Variants in PRR5 observed in about 807,000 individuals in gnomAD.
The protein encoded by PRR5 is proline-rich protein 5.
In PRR5, 25 loss-of-function variants were observed where a neutral mutation model predicts 30.6. The ratio of observed to expected loss-of-function variants is 0.82; its 90% CI spans 0.60 to 1.14. The LOEUF (loss-of-function observed/expected upper bound fraction) is 1.14. PRR5 is among the 50% of genes most tolerant of loss of function. The pLI is 0.00. For missense variants in PRR5, 600 were observed against 547.1 expected (o/e 1.10, Z -0.96); for synonymous variants, 286 against 247.1 (o/e 1.16, Z -1.48).
chr22:44,719,566 G>A (rs1031088927), intron 2 of PRR5, among the ~76,000 whole-genome samples: 26 of 152,152 alleles, frequency 1.7e-4, no homozygotes, highest in African/African-American at 4.6e-4. Context: ...CGTGAGGTCC[G>A]TTTCCCCTGT....
intron 1 of PRR5, among the ~76,000 whole-genome samples, chr22:44,689,671 C>T (rs911975364): frequency 2.0e-5 from 3 of 152,162 alleles, no homozygotes; most frequent in Admixed American, 6.6e-5. Flanking sequence ...TGTTTTGAGA[C>T]GGAGTCTCGC....
At position 44,702,304 on chromosome 22, in the gene PRR5, C is replaced by A; in HGVS notation, c.-171C>A. The A allele has an allele frequency of 2.6e-6, 3 of 1,150,616 alleles. No homozygotes were observed. Among genetic ancestry groups the A allele is most frequent in the Middle Eastern group, 3.5e-4 (1 of 2,824 alleles). The allele number at this position is 1,150,616 out of a possible 1,614,324, so 71.3% of individuals were successfully genotyped here. ...CCCGGCGGGGCGGCCGGCGCGGGAC[C>A]CGAGACGGAGGCGCGGGGCCGGGGC... On this transcript the variant is annotated 5_prime_UTR_variant, in exon 1 of 8. Coordinates refer to ENST00000336985, the MANE Select transcript of PRR5 (RefSeq NM_181333.4).
At chr22:44,679,771 G>T in intron 1 of PRR5, 1 of 1,562,350 alleles carries the variant, frequency 6.4e-7, no homozygotes, top group Non-Finnish European at 8.7e-7. Context: ...TCAGTCTGAT[G>T]GGGCAGGCTG....
At chr22:44,701,642 G>A (rs563855823), upstream of PRR5, among the ~76,000 whole-genome samples, 1 of 152,342 alleles carries the variant, frequency 6.6e-6, no homozygotes, top group East Asian at 1.9e-4. Flanking sequence ...ACTTCTTCAA[G>A]CCCTCACTCC....
intron 2 of PRR5, among the ~76,000 whole-genome samples, chr22:44,716,340 T>G (rs1929046782): frequency 6.6e-6 from 1 of 152,250 alleles, no homozygotes; most frequent in Admixed American, 6.5e-5. Flanking sequence ...GCAGGGTCTT[T>G]TTACTGAAGC....
chr22:44,707,866 G>A (rs1300889528), intron 1 of PRR5, among the ~76,000 whole-genome samples: 1 of 152,212 alleles, frequency 6.6e-6, no homozygotes, highest in Non-Finnish European at 1.5e-5. Context: ...TCTCCCAAAT[G>A]CTTGAGGCTT....
chr22:44,723,812 G>A (rs559215611), intron 2 of PRR5, among the ~76,000 whole-genome samples: 1 of 152,322 alleles, frequency 6.6e-6, no homozygotes, highest in Admixed American at 6.5e-5. Flanking sequence ...TTGATGTGCT[G>A]CACTTCCATC....
At chr22:44,726,405 G>A (rs1920948933) in intron 3 of PRR5, among the ~76,000 whole-genome samples, 172 bp from the exon 4 acceptor site, 1 of 152,174 alleles carries the variant, frequency 6.6e-6, no homozygotes, top group Admixed American at 6.5e-5. Flanking sequence ...TTACCCTCCT[G>A]GATGAACTGA....
At chr22:44,695,500 T>A (rs1200774108) in intron 1 of PRR5, among the ~76,000 whole-genome samples, 1 of 152,212 alleles carries the variant, frequency 6.6e-6, no homozygotes, top group East Asian at 1.9e-4. Flanking sequence ...TTAGAGCCTT[T>A]TGTGATCATT....
At chr22:44,723,916 T>G (rs563182378) in intron 2 of PRR5, among the ~76,000 whole-genome samples, 1 of 152,334 alleles carries the variant, frequency 6.6e-6, no homozygotes, top group South Asian at 2.1e-4. Context: ...GGTCACAATT[T>G]GCTGTCTGTG....
In PRR5 at chr22:44,732,876, GCACA is replaced by G. The variant is rs1231439311; in HGVS notation, c.555+493_555+496del. 5.9e-5 allele frequency among the ~76,000 whole-genome samples: 8 copies of G among 134,656 alleles called. No individual in the cohort carries two copies. In the East Asian group the frequency reaches 1.1e-3, roughly 19 times the overall value. The allele number at this position is 134,656 out of a possible 152,430, so 88.3% of individuals were successfully genotyped here. ...CGTGCACACGCACATACTACACACT[GCACA>G]CACACACCACACACGTGCACACGCA... is the stretch of plus-strand genomic sequence containing the variant. On this transcript the variant is annotated intron_variant, in intron 6 of 7. Coordinates refer to ENST00000336985, the MANE Select transcript of PRR5 (RefSeq NM_181333.4).
intron 4 of PRR5, chr22:44,730,494 C>T: frequency 1.0e-6 from 1 of 988,862 alleles, no homozygotes; most frequent in Non-Finnish European, 1.2e-6. Flanking sequence ...CCAGCTTGGG[C>T]AGCTGTCCCC....
In PRR5 at chr22:44,732,274, G is replaced by C. The variant is rs1298210311; in HGVS notation, c.438G>C (p.Gln146His). The C allele has an allele frequency of 6.2e-7, 1 of 1,611,914 alleles. No individual in the cohort carries two copies. Among genetic ancestry groups the C allele is most frequent in the Non-Finnish European group, 8.5e-7 (1 of 1,179,932 alleles). Residue 146 changes from glutamine (Q) to histidine (H), a missense_variant, in exon 6 of 8, where the codon CAG becomes CAC. Physicochemically the swap from Gln to His is conservative, Grantham distance 24. Transcript: ENST00000336985. The part of the protein sequence containing the change: ...PVQGKEPSVR[Q>H]LALLHFRNAI... ...AGGGCAAGGAGCCATCGGTGCGCCA[G>C]CTGGCCCTGCTGCACTTCCGGAATG...
chr22:44,683,747 C>A (rs1924493344), intron 1 of PRR5, among the ~76,000 whole-genome samples: 1 of 152,210 alleles, frequency 6.6e-6, no homozygotes, highest in African/African-American at 2.4e-5. Context: ...AGAGTCACCC[C>A]CTCTCTCCTC....
chr22:44,701,477 T>C (rs1926281507), upstream of PRR5, among the ~76,000 whole-genome samples: 1 of 152,232 alleles, frequency 6.6e-6, no homozygotes, highest in African/African-American at 2.4e-5. Context: ...TCATGTGAAA[T>C]CAGACATCTA....
intron 1 of PRR5, chr22:44,668,876 C>A (rs1923243546): frequency 6.7e-6 from 1 of 148,994 alleles, no homozygotes; most frequent in African/African-American, 2.5e-5. Context: ...GGGGGCGGCA[C>A]GCGCGACCCT....
At chr22:44,723,365 A>G (rs1308008912) in intron 2 of PRR5, among the ~76,000 whole-genome samples, 1 of 152,234 alleles carries the variant, frequency 6.6e-6, no homozygotes, top group Non-Finnish European at 1.5e-5. Flanking sequence ...CTGTTTGGTT[A>G]TAACCATACA....
chr22:44,737,016 G>A lies in PRR5; in HGVS notation c.936G>A (p.Ala312=), dbSNP rs201958852. 4.4e-5 allele frequency: 71 copies of A among 1,600,332 alleles called. No individual in the cohort carries two copies. In the Middle Eastern group the frequency reaches 2.0e-3, roughly 45 times the overall value. Residue 312 remains alanine, a synonymous_variant, in exon 8 of 8, where the codon GCG becomes GCA. Transcript: ENST00000336985. ...CCGGGACCTTCAGGTCCTCCCCGGC[G>A]CCCCACTCAGGGCCCTGCCCCAGCA... is the stretch of plus-strand genomic sequence containing the variant. ...GPTGTFRSSP[A]PHSGPCPSRL...
chr22:44,720,425 A>G (rs1209006629), intron 2 of PRR5, among the ~76,000 whole-genome samples: 4 of 152,066 alleles, frequency 2.6e-5, no homozygotes, highest in Non-Finnish European at 5.9e-5. Context: ...CAGTCTCCCC[A>G]TCTCTGGAGT....
Sources: gnomAD v4.1 joint callset for allele counts (sites outside exome capture counted in the v4.1 genomes callset) on GRCh38, gnomAD v4.1.1 for gene constraint, MANE v1.5 for transcripts, NCBI Gene and HGNC (gene_info 2026-07-23, HGNC 2026-07-21) for gene names.